The following HMGA2 variants were observed in gnomAD, a reference collection of about 807,000 sequenced individuals.
HMGA2 encodes the protein high mobility group AT-hook 2, also known as high mobility group protein HMGI-C.
Under a neutral mutation model 19.1 loss-of-function variants are expected in HMGA2, and 8 were observed. That is an observed-to-expected ratio of 0.42 (90% CI 0.25 to 0.76). HMGA2 has a LOEUF of 0.76. HMGA2 is among the 30% of genes least tolerant of loss of function. HMGA2 has a pLI of 0.28. For synonymous variants in HMGA2, 60 were observed against 48.8 expected, an observed-to-expected ratio of 1.23 and a Z score of -0.96; for missense variants, 109 against 136.3, an observed-to-expected ratio of 0.80 and a Z score of 1.00.
At chr12:65,826,269 C>G (rs1870181040) in intron 1 of HMGA2, 1 of 152,392 alleles carries the variant, frequency 6.6e-6, no homozygotes, top group African/African-American at 2.4e-5. Context: ...CGGGACCCTG[C>G]GGAGTGGAGG....
intron 3 of HMGA2, among the ~76,000 whole-genome samples, chr12:65,895,184 A>G (rs1874074410): frequency 6.6e-6 from 1 of 152,168 alleles, no homozygotes; most frequent in African/African-American, 2.4e-5. Flanking sequence ...AAAACCTTCA[A>G]CTAGAATTAC....
intron 3 of HMGA2, among the ~76,000 whole-genome samples, chr12:65,921,907 G>T (rs764146685): frequency 1.2e-4 from 19 of 152,246 alleles, no homozygotes; most frequent in Admixed American, 1.2e-3. Context: ...TTGGGCTGTG[G>T]CTTTGGCGAG....
intron 3 of HMGA2, among the ~76,000 whole-genome samples, chr12:65,849,083 T>A (rs1871347798): frequency 6.6e-6 from 1 of 152,348 alleles, no homozygotes; most frequent in Middle Eastern, 3.4e-3. Flanking sequence ...GGTCCCTTAT[T>A]ATTTCCTGTT....
chr12:65,904,892 T>G (rs1028218562), intron 3 of HMGA2, among the ~76,000 whole-genome samples: 1 of 151,770 alleles, frequency 6.6e-6, no homozygotes, highest in Non-Finnish European at 1.5e-5. Context: ...AAATACAAAA[T>G]TTAGCTGGGC....
At chr12:65,851,644 AG>A (rs1486373758) in intron 3 of HMGA2, 1 of 444,718 alleles carries the variant, frequency 2.2e-6, no homozygotes, top group Middle Eastern at 3.3e-4. Flanking sequence ...TGGGCAACAA[AG>A]CGAGACTCTG....
In HMGA2 at chr12:65,909,754, G is replaced by A. The variant is rs149707398; in HGVS notation, c.250-41629G>A. The stretch of plus-strand genomic sequence containing the variant: ...GCACATCCACGGGCATGAATATGGA[G>A]ATATAACCTCATCTCTGTAAATCCA... On this transcript the variant is annotated intron_variant, in intron 3 of 4. Transcript: ENST00000403681. Among the ~76,000 whole-genome samples, 88 of 152,314 alleles carry A rather than the reference G, an allele frequency of 5.8e-4. No homozygotes were observed. In the South Asian group the frequency reaches 7.7e-3, roughly 13 times the overall value.
chr12:65,842,115 T>C (rs1158906040), intron 3 of HMGA2: 3 of 1,289,552 alleles, frequency 2.3e-6, no homozygotes, highest in Non-Finnish European at 3.0e-6. Context: ...GGGTCTCTTT[T>C]TTTCCTGGCT....
chr12:65,844,718 T>C (rs1871161899), intron 3 of HMGA2, among the ~76,000 whole-genome samples: 3 of 152,232 alleles, frequency 2.0e-5, no homozygotes. Flanking sequence ...ATGGCCAACC[T>C]CTACCAGACC....
intron 3 of HMGA2, among the ~76,000 whole-genome samples, chr12:65,929,989 A>G (rs979832425): frequency 6.6e-6 from 1 of 152,050 alleles, no homozygotes; most frequent in Admixed American, 6.6e-5. Context: ...GAGGGGGGAA[A>G]CCATGAAAGA....
chr12:65,901,900 A>C (rs972947695), intron 3 of HMGA2, among the ~76,000 whole-genome samples: 9 of 152,190 alleles, frequency 5.9e-5, no homozygotes, highest in Non-Finnish European at 7.4e-5. Context: ...AAACCTAAGA[A>C]ACACGATCTC....
chr12:65,942,403 A>T (rs1399339510), intron 3 of HMGA2, among the ~76,000 whole-genome samples: 1 of 152,198 alleles, frequency 6.6e-6, no homozygotes, highest in Admixed American at 6.5e-5. Context: ...GCCTTAAAAA[A>T]TATGTATATA....
chr12:65,946,131 G>T (rs761017501), intron 3 of HMGA2, among the ~76,000 whole-genome samples: 1 of 152,168 alleles, frequency 6.6e-6, no homozygotes, highest in Admixed American at 6.5e-5. Context: ...AATTTTTATA[G>T]AAATTAGGGT....
chr12:65,951,429 A>G lies in HMGA2; in HGVS notation c.282+14A>G. 1.3e-6 allele frequency: 2 copies of G among 1,507,640 alleles called. No individual in the cohort carries two copies. Among genetic ancestry groups the G allele is most frequent in the Non-Finnish European group, 1.8e-6 (2 of 1,109,284 alleles). The allele number at this position is 1,507,640 out of a possible 1,614,324, so 93.4% of individuals were successfully genotyped here. The stretch of plus-strand genomic sequence containing the variant: ...AAGCCTGCTCAGGTAAGACATAGTC[A>G]TTAATTTTTTTCTCCCAATTAATAT... On this transcript the variant is annotated intron_variant, in intron 4 of 4. Transcript: ENST00000403681.
chr12:65,902,976 A>G (rs767631221), intron 3 of HMGA2, among the ~76,000 whole-genome samples: 3 of 152,198 alleles, frequency 2.0e-5, no homozygotes, highest in Non-Finnish European at 2.9e-5. Flanking sequence ...TTAGAAAGAA[A>G]ATAAAGCAAG....
intron 3 of HMGA2, among the ~76,000 whole-genome samples, chr12:65,913,035 T>A (rs558460613): frequency 6.6e-6 from 1 of 152,170 alleles, no homozygotes; most frequent in Non-Finnish European, 1.5e-5. Context: ...GAAAACACCT[T>A]CAGAGGAGAT....
intron 3 of HMGA2, among the ~76,000 whole-genome samples, chr12:65,868,228 T>C (rs2121019911): frequency 6.6e-6 from 1 of 152,350 alleles, no homozygotes; most frequent in South Asian, 2.1e-4. Flanking sequence ...TGTTAATTCT[T>C]TGAGTCTGAA....
At chr12:65,932,378 C>T (rs1009258978) in intron 3 of HMGA2, among the ~76,000 whole-genome samples, 2 of 152,206 alleles carry the variant, frequency 1.3e-5, no homozygotes, top group Admixed American at 6.5e-5. Context: ...TTAACATAAG[C>T]ATCACTAGAC....
intron 3 of HMGA2, among the ~76,000 whole-genome samples, chr12:65,888,210 C>G (rs1873740445): frequency 6.6e-6 from 1 of 152,074 alleles, no homozygotes; most frequent in Non-Finnish European, 1.5e-5. Flanking sequence ...AATCCCAGCA[C>G]TTTAGGAGGC....
At chr12:65,842,596 G>T in intron 3 of HMGA2, 1 of 1,534,760 alleles carries the variant, frequency 6.5e-7, no homozygotes, top group Non-Finnish European at 8.7e-7. Flanking sequence ...TTAAGGAGGA[G>T]TTTTACATTG....
Sources: gnomAD v4.1 joint callset for allele counts (sites outside exome capture counted in the v4.1 genomes callset) on GRCh38, gnomAD v4.1.1 for gene constraint, MANE v1.5 for transcripts, NCBI Gene and HGNC (gene_info 2026-07-23, HGNC 2026-07-21) for gene names.